PRIMA1: variants seen among roughly 807,000 people sequenced by gnomAD.
PRIMA1 encodes proline rich membrane anchor 1.
In PRIMA1, 7 loss-of-function variants were observed where a neutral mutation model predicts 17.5. The observed-to-expected ratio is 0.40, with a 90% CI of 0.23 to 0.75. PRIMA1 has a LOEUF of 0.75. PRIMA1 is among the 30% of genes least tolerant of loss of function. The pLI, the probability that PRIMA1 is intolerant of heterozygous loss-of-function variation, is 0.37. For synonymous variants in PRIMA1, 97 were observed against 77.9 expected, an observed-to-expected ratio of 1.25 and a Z score of -1.29; for missense variants, 200 against 201.8, an observed-to-expected ratio of 0.99 and a Z score of 0.05.
intron 3 of PRIMA1, among the ~76,000 whole-genome samples, chr14:93,749,434 G>T (rs2076247062): frequency 6.6e-6 from 1 of 152,120 alleles, no homozygotes; most frequent in African/African-American, 2.4e-5. Flanking sequence ...TCCTCATGAC[G>T]CTTATAATCT....
chr14:93,751,261 T>G (rs2076257703), intron 3 of PRIMA1, among the ~76,000 whole-genome samples: 1 of 152,320 alleles, frequency 6.6e-6, no homozygotes, highest in South Asian at 2.1e-4. Flanking sequence ...CAGAGCATCC[T>G]CCACCAGTAA....
intron 2 of PRIMA1, among the ~76,000 whole-genome samples, chr14:93,780,688 T>C (rs1191019172): frequency 6.6e-6 from 1 of 152,198 alleles, no homozygotes; most frequent in Admixed American, 6.5e-5. Context: ...GGATTTTGCT[T>C]ATGCTTTCCA....
intron 3 of PRIMA1, among the ~76,000 whole-genome samples, chr14:93,754,056 G>C (rs960376413): frequency 6.6e-6 from 1 of 152,176 alleles, no homozygotes; most frequent in Non-Finnish European, 1.5e-5. Flanking sequence ...AAATGCTTAA[G>C]GTTTCAGAAA....
intron 3 of PRIMA1, among the ~76,000 whole-genome samples, chr14:93,771,193 G>A (rs1053569648): frequency 2.0e-5 from 3 of 151,064 alleles, no homozygotes; most frequent in African/African-American, 7.3e-5. Context: ...GGGCGGTATG[G>A]TTTCCAAATG....
intron 4 of PRIMA1, among the ~76,000 whole-genome samples, chr14:93,723,345 C>A (rs978769356): frequency 6.6e-6 from 1 of 152,142 alleles, no homozygotes; most frequent in Non-Finnish European, 1.5e-5. Context: ...GTTCCCAGAG[C>A]CTCCCCAGAG....
At chr14:93,752,759 C>T (rs149937827) in intron 3 of PRIMA1, among the ~76,000 whole-genome samples, 2,896 of 152,082 alleles carry the variant, frequency 0.019, 98 homozygotes, top group African/African-American at 0.066. Context: ...TCTGAAGATC[C>T]GGGGCACGCA....
At chr14:93,772,443 CGT>C (rs1161779463) in intron 3 of PRIMA1, among the ~76,000 whole-genome samples, 1 of 152,244 alleles carries the variant, frequency 6.6e-6, no homozygotes, top group Non-Finnish European at 1.5e-5. Flanking sequence ...TCACAGAGGG[CGT>C]GTGTGTGCTT....
chr14:93,729,566 A>T (rs2076100368), intron 4 of PRIMA1, among the ~76,000 whole-genome samples: 1 of 152,136 alleles, frequency 6.6e-6, no homozygotes, highest in African/African-American at 2.4e-5. Context: ...TCCTGTCCTG[A>T]TTCCTGGTCC....
chr14:93,730,190 A>G (rs2141155082), intron 4 of PRIMA1, among the ~76,000 whole-genome samples: 2 of 152,308 alleles, frequency 1.3e-5, no homozygotes, highest in African/African-American at 4.8e-5. Flanking sequence ...CGGGAGAGAG[A>G]TGAGTAAGAT....
Position 93,723,933 on chromosome 14 carries a change from C to T in PRIMA1, c.360-2387G>A, listed in dbSNP as rs377500087. On this transcript the variant is annotated intron_variant, in intron 4 of 4. Transcript: ENST00000393140. The stretch of plus-strand genomic sequence containing the variant: ...TTGGAGATGGGGTCTTGCTCTGTTG[C>T]CTAGGCAGTGGCAACATCACAGCTC... Among the ~76,000 whole-genome samples, 128 of 152,244 alleles carry T rather than the reference C, an allele frequency of 8.4e-4. 1 individual carries two copies. The highest frequency in any genetic ancestry group is 3.0e-3 in the African/African-American group (125 of 41,542).
At chr14:93,767,396 G>T (rs1265589152) in intron 3 of PRIMA1, among the ~76,000 whole-genome samples, 1 of 152,184 alleles carries the variant, frequency 6.6e-6, no homozygotes, top group African/African-American at 2.4e-5. Flanking sequence ...CCCTGCTGCT[G>T]GAGAGAGGAG....
At chr14:93,786,199 G>A (rs1407463968) in intron 2 of PRIMA1, among the ~76,000 whole-genome samples, 2 of 152,186 alleles carry the variant, frequency 1.3e-5, no homozygotes, top group African/African-American at 2.4e-5. Flanking sequence ...TTGAACAAGC[G>A]AAGCTGGTCC....
chr14:93,737,477 C>T (rs985343484), intron 3 of PRIMA1, 107 bp from the exon 4 acceptor site: 23 of 1,317,904 alleles, frequency 1.7e-5, no homozygotes, highest in African/African-American at 1.7e-4. Context: ...GGGGAGGTCA[C>T]TGGTGGGACC....
At chr14:93,768,576 C>T (rs1367703359) in intron 3 of PRIMA1, among the ~76,000 whole-genome samples, 1 of 152,128 alleles carries the variant, frequency 6.6e-6, no homozygotes, top group Non-Finnish European at 1.5e-5. Flanking sequence ...AGTCCGAGGG[C>T]AGGGCTATGT....
At chr14:93,766,456 T>C (rs1884895021) in intron 3 of PRIMA1, among the ~76,000 whole-genome samples, 1 of 152,150 alleles carries the variant, frequency 6.6e-6, no homozygotes, top group Non-Finnish European at 1.5e-5. Context: ...AGAGCCAGCA[T>C]CAGGTGATAC....
At chr14:93,770,770 G>A (rs980866731) in intron 3 of PRIMA1, among the ~76,000 whole-genome samples, 1 of 152,098 alleles carries the variant, frequency 6.6e-6, no homozygotes, top group African/African-American at 2.4e-5. Context: ...TGACTGCAGG[G>A]CCCTTCTGTT....
intron 3 of PRIMA1, among the ~76,000 whole-genome samples, chr14:93,759,314 T>C (rs74073707): frequency 0.014 from 2,153 of 152,234 alleles, 40 homozygotes; most frequent in African/African-American, 0.044. Flanking sequence ...CGGTAGTGCT[T>C]ACTCCCTAGT....
intron 3 of PRIMA1, among the ~76,000 whole-genome samples, chr14:93,740,525 C>G (rs2076178426): frequency 1.3e-5 from 2 of 152,236 alleles, no homozygotes; most frequent in African/African-American, 4.8e-5. Context: ...CAAAGGGAAG[C>G]AATTTTGGTT....
intron 3 of PRIMA1, among the ~76,000 whole-genome samples, chr14:93,758,609 AAAAG>A (rs1293351448): frequency 1.3e-4 from 19 of 149,410 alleles, no homozygotes; most frequent in African/African-American, 4.8e-4. Context: ...AAAAAAAAAA[AAAAG>A]AAAAAGAAAA....
Sources: gnomAD v4.1 joint callset for allele counts (sites outside exome capture counted in the v4.1 genomes callset) on GRCh38, gnomAD v4.1.1 for gene constraint, MANE v1.5 for transcripts, NCBI Gene and HGNC (gene_info 2026-07-23, HGNC 2026-07-21) for gene names.